ZNF468: variants seen among roughly 807,000 people sequenced by gnomAD.
ZNF468 encodes zinc finger protein 468.
A neutral mutation model predicts 7.2 loss-of-function variants in ZNF468; 8 were observed. The observed-to-expected ratio is 1.11, with a 90% CI of 0.65 to 2.01. The LOEUF is 2.01. ZNF468 is among the 30% of genes most tolerant of loss of function. The pLI, the probability that ZNF468 is intolerant of heterozygous loss-of-function variation, is 0.00. For synonymous variants in ZNF468, 218 were observed against 214.4 expected (o/e 1.02, Z -0.15); for missense variants, 608 against 626.5 (o/e 0.97, Z 0.31).
At chr19:52,844,988 C>A (rs548183545) in intron 3 of ZNF468, among the ~76,000 whole-genome samples, 15 of 152,290 alleles carry the variant, frequency 9.8e-5, no homozygotes, top group Admixed American at 3.9e-4. Context: ...AAGCCATCTA[C>A]TAGCACTAAC....
chr19:52,841,028 G>A lies in ZNF468; in HGVS notation c.1266C>T (p.Arg422=). Residue 422 remains arginine, a synonymous_variant, in exon 4 of 4, where the codon CGC becomes CGT. Transcript: ENST00000595646. ...TCCTGTGTCTTTCCAGGTTTGATTT[G>A]CGACTGAAAACTTTGCAACATTCTT... ...KCEECCKVFS[R]KSNLERHRRI... 1 of 1,612,834 alleles carries A rather than the reference G, an allele frequency of 6.2e-7. No homozygotes were observed. The highest frequency in any genetic ancestry group is 8.5e-7 in the Non-Finnish European group (1 of 1,179,280).
intron 2 of ZNF468, among the ~76,000 whole-genome samples, chr19:52,851,382 T>C (rs574939443): frequency 6.6e-6 from 1 of 152,232 alleles, no homozygotes; most frequent in Admixed American, 6.5e-5. Flanking sequence ...GGAAACCATC[T>C]TGGCTAAAAA....
chr19:52,840,840 T>C lies in ZNF468; in HGVS notation c.1454A>G (p.His485Arg), dbSNP rs1451057761. 6.3e-7 allele frequency: 1 copy of C among 1,595,736 alleles called. No individual in the cohort carries two copies. The highest frequency in any genetic ancestry group is 8.5e-7 in the Non-Finnish European group (1 of 1,171,554). ...TFGQTSSLII[H>R]RRLHTGEKPY... is the part of the protein sequence containing the mutation. ...TTTCTCTCCAGTATGAAGCCTACGA[T>C]GGATTATAAGCGATGATGTCTGACC... is the stretch of plus-strand genomic sequence containing the variant. Residue 485 changes from histidine to arginine, a missense_variant, in exon 4 of 4, where the codon CAT becomes CGT. Physicochemically the swap from His to Arg is conservative, Grantham distance 29 (BLOSUM62 0). Transcript: ENST00000595646.
rs2063284925 is a variant in ZNF468, at chr19:52,840,393, A to T, written c.*332T>A. 6.5e-6 allele frequency: 3 copies of T among 462,462 alleles called. No homozygotes were observed. The highest frequency in any genetic ancestry group is 1.2e-5 in the Non-Finnish European group (3 of 246,372). The allele number at this position is 462,462 out of a possible 1,614,324, so 28.6% of individuals were successfully genotyped here. A position where few individuals can be genotyped will look rare whatever the true frequency, so the allele number is the denominator to read the frequency against. On this transcript the variant is annotated 3_prime_UTR_variant, in exon 4 of 4. Transcript: ENST00000595646. The stretch of plus-strand genomic sequence containing the variant: ...TGCCACACTCATTACACTTATAATG[A>T]GTTTCTCTCCAGTGTGAATTCTAGT...
At chr19:52,853,483 G>A (rs2063407948) in intron 2 of ZNF468, among the ~76,000 whole-genome samples, 1 of 152,152 alleles carries the variant, frequency 6.6e-6, no homozygotes, top group Non-Finnish European at 1.5e-5. Context: ...GAGGTTAGGA[G>A]GTTGAGGCCA....
chr19:52,854,053 C>G (rs1480236423), intron 2 of ZNF468: 3 of 1,505,450 alleles, frequency 2.0e-6, no homozygotes, highest in Non-Finnish European at 2.7e-6. Context: ...TTCCCAGGAC[C>G]TGCCCAGTGC....
At chr19:52,854,404 C>T in intron 1 of ZNF468, 59 bp from the exon 2 acceptor site, 1 of 1,497,716 alleles carries the variant, frequency 6.7e-7, no homozygotes, top group Non-Finnish European at 9.1e-7. Context: ...TCCCTTAACA[C>T]AATGACACAA....
At chr19:52,854,029 C>T (rs750448212) in intron 2 of ZNF468, 33 of 1,495,964 alleles carry the variant, frequency 2.2e-5, no homozygotes, top group East Asian at 7.4e-5. Context: ...CCATCCATGT[C>T]GGGGTGTGAG....
At chr19:52,842,985 G>A (rs2063317687) in intron 3 of ZNF468, among the ~76,000 whole-genome samples, 1 of 151,718 alleles carries the variant, frequency 6.6e-6, no homozygotes, top group Middle Eastern at 3.4e-3. Flanking sequence ...AGCTGGTATG[G>A]TCACAGGCAC....
intron 3 of ZNF468, among the ~76,000 whole-genome samples, chr19:52,844,507 G>T (rs1568677263): frequency 2.6e-5 from 4 of 151,988 alleles, no homozygotes; most frequent in South Asian, 4.2e-4. Flanking sequence ...TATCACCCAG[G>T]ATGCAGTGTA....
At chr19:52,849,283 G>A in intron 2 of ZNF468, 70 bp from the exon 3 acceptor site, 2 of 1,606,562 alleles carry the variant, frequency 1.2e-6, no homozygotes, top group South Asian at 1.1e-5. Context: ...AATGAGAGGA[G>A]GAGAGAGGGG....
In ZNF468 at chr19:52,850,616, T is replaced by C. The variant is rs558551394; in HGVS notation, c.16-1403A>G. 5.3e-5 allele frequency among the ~76,000 whole-genome samples: 8 copies of C among 150,628 alleles called. No individual in the cohort carries two copies. In the East Asian group the frequency reaches 1.6e-3, roughly 29 times the overall value. ...AGAGGAGCACAAAAAATAACTATTA[T>C]GGGCCGGGCGCGGTGGCTCACGCCT... On this transcript the variant is annotated intron_variant, in intron 2 of 3. Coordinates refer to ENST00000595646, the MANE Select transcript of ZNF468 (RefSeq NM_001008801.2).
At chr19:52,854,150 T>G in intron 2 of ZNF468, 108 bp downstream of exon 2, 2 of 1,599,664 alleles carry the variant, frequency 1.3e-6, no homozygotes, top group African/African-American at 1.3e-5. Flanking sequence ...TAAGTGAGGG[T>G]GAGCAAACAT....
At chr19:52,845,590 T>G (rs1600519091) in intron 3 of ZNF468, among the ~76,000 whole-genome samples, 1 of 151,908 alleles carries the variant, frequency 6.6e-6, no homozygotes, top group Non-Finnish European at 1.5e-5. Flanking sequence ...ACCCAGAAGG[T>G]GGAGGTTACA....
chr19:52,847,697 T>G (rs2063352149), intron 3 of ZNF468, among the ~76,000 whole-genome samples: 1 of 152,244 alleles, frequency 6.6e-6, no homozygotes, highest in Non-Finnish European at 1.5e-5. Flanking sequence ...GAGATGTTTG[T>G]GTGAAGAGAA....
At chr19:52,856,922 A>G (rs556432733) in intron 1 of ZNF468, among the ~76,000 whole-genome samples, 101 of 151,642 alleles carry the variant, frequency 6.7e-4, no homozygotes, top group Middle Eastern at 3.4e-3. Flanking sequence ...TTTGGCCCAC[A>G]CGATCACAAG....
At chr19:52,845,091 A>G (rs113683833) in intron 3 of ZNF468, 13,108 of 151,942 alleles carry the variant, frequency 0.086, 569 homozygotes, top group South Asian at 0.098. Context: ...TCACCAGGTC[A>G]GGAGATTGAG....
chr19:52,841,487 T>C lies in ZNF468; in HGVS notation c.807A>G (p.Lys269=), dbSNP rs1488787053. The change falls in exon 4 of 4, where the codon AAA becomes AAG. Residue 269 remains lysine, a synonymous_variant. Transcript: ENST00000595646. ...ACHRRCHTGE[K]PYKCNECGKT... ...TGCCACACTCATTACACTTGTAAGG[T>C]TTCTCACCAGTGTGACATCTACGAT... The C allele has an allele frequency of 6.2e-7, 1 of 1,614,118 alleles. No individual in the cohort carries two copies. The highest frequency in any genetic ancestry group is 8.5e-7 in the Non-Finnish European group (1 of 1,180,006).
chr19:52,842,018 T>C lies in ZNF468; in HGVS notation c.276A>G (p.Lys92=), dbSNP rs1333044298. ...ACTGAAACTCGAAGCCATGAATGTCTTTCTCAATTTCATGGAAACAAAATT... is the reference window on the plus strand; with the variant it reads ...ACTGAAACTCGAAGCCATGAATGTCCTTCTCAATTTCATGGAAACAAAATT... ...IGEFCFHEIE[K]DIHGFEFQWK... Residue 92 remains lysine (K), a synonymous_variant, in exon 4 of 4, where the codon AAA becomes AAG. Transcript: ENST00000595646. The C allele has an allele frequency of 1.9e-6, 3 of 1,613,998 alleles. No homozygotes were observed. The highest frequency in any genetic ancestry group is 2.5e-6 in the Non-Finnish European group (3 of 1,179,930).
Sources: allele counts gnomAD v4.1 joint callset (sites outside exome capture counted in the v4.1 genomes callset), GRCh38; gene constraint gnomAD v4.1.1; transcripts MANE v1.5; gene names NCBI Gene and HGNC (gene_info 2026-07-23, HGNC 2026-07-21).